LUM: variants seen among roughly 807,000 people sequenced by gnomAD.
LUM encodes the protein KSPG lumican.
In LUM, 13 loss-of-function variants were observed where a neutral mutation model predicts 20.5. The observed-to-expected ratio is 0.63, with a 90% CI of 0.41 to 1.01. The LOEUF (loss-of-function observed/expected upper bound fraction) is 1.01. LUM is among the 50% of genes least tolerant of loss of function. The pLI is 0.00. For synonymous variants in LUM, 173 were observed against 151.5 expected, an observed-to-expected ratio of 1.14 and a Z score of -1.04; for missense variants, 321 against 391.1, an observed-to-expected ratio of 0.82 and a Z score of 1.51.
Position 91,108,105 on chromosome 12 carries a change from G to C in LUM, c.862+13C>G. On this transcript the variant is annotated intron_variant, in intron 2 of 2. Transcript: ENST00000266718. This position sits in a 1 kb window ranked among gnomAD's most constrained non-coding sequence, Gnocchi z 4.2. ...TGAGCACACATCAAACACAGGAACAGCTTTTTACTTACTCTCAAGTTGATT... is the reference window on the plus strand; with the variant it reads ...TGAGCACACATCAAACACAGGAACACCTTTTTACTTACTCTCAAGTTGATT... 1 of 1,613,522 alleles carries C rather than the reference G, an allele frequency of 6.2e-7. No individual in the cohort carries two copies. The highest frequency in any genetic ancestry group is 8.5e-7 in the Non-Finnish European group (1 of 1,179,696).
At chr12:91,106,042 G>A (rs1281373666) in intron 2 of LUM, among the ~76,000 whole-genome samples, 1 of 152,172 alleles carries the variant, frequency 6.6e-6, no homozygotes, top group East Asian at 1.9e-4. Flanking sequence ...AACAAGAGGG[G>A]TTTAGCTGTG....
In LUM at chr12:91,104,236, T is replaced by C; in HGVS notation, c.946A>G (p.Ile316Val). The change falls in exon 3 of 3, where the codon ATC becomes GTC. Residue 316 changes from isoleucine (I) to valine (V), a missense_variant. Physicochemically the swap from Ile to Val is conservative, Grantham distance 29. Coordinates refer to ENST00000266718, the MANE Select transcript of LUM (RefSeq NM_002345.4). ...TCCGGTGGAAGACTGGTTTCTGAGA[T>C]GCGATTGCCATCCAAACGCAAATGC... ...IKHLRLDGNR[I>V]SETSLPPDMY... 4 of 1,613,024 alleles carry C rather than the reference T, an allele frequency of 2.5e-6. No homozygotes were observed. The highest frequency in any genetic ancestry group is 3.4e-6 in the Non-Finnish European group (4 of 1,179,224).
Position 91,108,579 on chromosome 12 carries a change from G to A in LUM, c.401C>T (p.Pro134Leu). 6.2e-7 allele frequency: 1 copy of A among 1,611,182 alleles called. No individual in the cohort carries two copies. Among genetic ancestry groups the A allele is most frequent in the Admixed American group, 1.7e-5 (1 of 59,738 alleles). ...CAGATCCTCCAGAGATTTGGGAAGT[G>A]GGCCCACAGACTCTGTCAGGTTGTT... ...NHNNLTESVG[P>L]LPKSLEDLQL... Residue 134 changes from proline to leucine, a missense_variant, in exon 2 of 3, where the codon CCA (proline) becomes CTA (leucine). Pro to Leu is a moderately conservative substitution (Grantham distance 98). Transcript: ENST00000266718. The surrounding 1 kb of genome is among the most constrained non-coding windows in gnomAD (Gnocchi z 4.2).
At position 91,106,690 on chromosome 12, in the gene LUM, T is replaced by TAAAAAAAAAAAAAAAAAAAA. The variant is rs374164456; in HGVS notation, c.862+1408_862+1427dup. 1.5e-4 allele frequency among the ~76,000 whole-genome samples: 14 copies of TAAAAAAAAAAAAAAAAAAAA among 90,600 alleles called. 1 individual carries two copies. Among genetic ancestry groups the TAAAAAAAAAAAAAAAAAAAA allele is most frequent in the African/African-American group, 5.9e-4 (13 of 21,874 alleles). 59.4% of individuals were successfully genotyped at this position (90,600 alleles called of 152,430 possible). The stretch of plus-strand genomic sequence containing the variant: ...AAGCTCTGTAACACTATTTTTCTTC[T>TAAAAAAAAAAAAAAAAAAAA]AAAAAAAAAAAAAAAAAAAAAGATG... On this transcript the variant is annotated intron_variant, in intron 2 of 2. Coordinates refer to ENST00000266718, the MANE Select transcript of LUM (RefSeq NM_002345.4).
chr12:91,108,982 T>C lies in LUM; in HGVS notation c.-3A>G, dbSNP rs1260082213. Reference sequence around the variant, plus strand: ...AGAGTAAATGCACTTAGACTCATTTTTGGCAAATGGTTTGAATCCTAAATA... The same window carrying C: ...AGAGTAAATGCACTTAGACTCATTTCTGGCAAATGGTTTGAATCCTAAATA... On this transcript the variant is annotated 5_prime_UTR_variant, in exon 2 of 3. Transcript: ENST00000266718. This position sits in a 1 kb window ranked among gnomAD's most constrained non-coding sequence, Gnocchi z 4.2. 5.6e-6 allele frequency: 9 copies of C among 1,611,528 alleles called. No individual in the cohort carries two copies. Among genetic ancestry groups the C allele is most frequent in the Non-Finnish European group, 7.6e-6 (9 of 1,178,508 alleles).
intron 2 of LUM, among the ~76,000 whole-genome samples, chr12:91,105,280 T>C (rs564944146): frequency 2.6e-4 from 40 of 152,288 alleles, no homozygotes; most frequent in African/African-American, 7.5e-4. Context: ...GGAACACTTA[T>C]CTGATCTTGT....
chr12:91,107,334 AAAGAAAGAAAGG>A, intron 2 of LUM, among the ~76,000 whole-genome samples: 1 of 144,112 alleles, frequency 6.9e-6, no homozygotes, highest in South Asian at 2.4e-4. Flanking sequence ...AGAAAGAAAG[AAAGAAAGAAAGG>A]GAAAGAAAGG....
intron 2 of LUM, among the ~76,000 whole-genome samples, chr12:91,104,721 C>A (rs1051378137): frequency 2.0e-5 from 3 of 152,024 alleles, no homozygotes; most frequent in African/African-American, 7.2e-5. Context: ...GGTTTTACAT[C>A]TAAAAATAAG....
intron 2 of LUM, among the ~76,000 whole-genome samples, chr12:91,105,050 A>C (rs1880000723): frequency 6.6e-6 from 1 of 152,182 alleles, no homozygotes; most frequent in African/African-American, 2.4e-5. Flanking sequence ...TTTTAGATTA[A>C]CATTTTCAAG....
rs530958344 is a variant in LUM, at chr12:91,109,754, G to A, written c.-21-754C>T. Among the ~76,000 whole-genome samples the A allele has an allele frequency of 2.3e-4, 35 of 152,188 alleles. No homozygotes were observed. In the South Asian group the frequency reaches 7.1e-3, roughly 31 times the overall value. ...CACATTCTGAAGGTTTCTCTTTCTG[G>A]AAAGAGATTCAACAGGTAGAGAAAG... On this transcript the variant is annotated intron_variant, in intron 1 of 2. Transcript: ENST00000266718.
chr12:91,104,803 A>G (rs1332382400), intron 2 of LUM, among the ~76,000 whole-genome samples: 2 of 152,180 alleles, frequency 1.3e-5, no homozygotes, highest in Admixed American at 1.3e-4. Context: ...AAATTCCAAG[A>G]CAAAAACCAA....
At chr12:91,107,333 GAAA>G (rs1565758555) in intron 2 of LUM, among the ~76,000 whole-genome samples, 11 of 127,768 alleles carry the variant, frequency 8.6e-5, no homozygotes, top group African/African-American at 2.8e-4. Context: ...AAGAAAGAAA[GAAA>G]GAAAGAAAGG....
chr12:91,107,275 GAAA>G (rs1880082455), intron 2 of LUM, among the ~76,000 whole-genome samples: 4 of 78,952 alleles, frequency 5.1e-5, no homozygotes, highest in African/African-American at 2.0e-4. Flanking sequence ...AAGAAAGAAA[GAAA>G]GAAAGAAAGA....
At chr12:91,107,424 G>T (rs545704843) in intron 2 of LUM, among the ~76,000 whole-genome samples, 1 of 151,946 alleles carries the variant, frequency 6.6e-6, no homozygotes, top group Non-Finnish European at 1.5e-5. Context: ...TGTGGCTATG[G>T]AGTTTGCCAA....
intron 2 of LUM, among the ~76,000 whole-genome samples, chr12:91,105,380 C>T (rs1880007998): frequency 6.6e-6 from 1 of 152,072 alleles, no homozygotes; most frequent in Admixed American, 6.6e-5. Flanking sequence ...ATAGTATGTC[C>T]TAAATAATGA....
At chr12:91,107,307 A>AG (rs1565758496) in intron 2 of LUM, among the ~76,000 whole-genome samples, 8 of 138,608 alleles carry the variant, frequency 5.8e-5, no homozygotes, top group South Asian at 2.4e-4. Context: ...GAAAGAAAGA[A>AG]AGAAAGAAAG....
chr12:91,108,648 A>C lies in LUM; in HGVS notation c.332T>G (p.Val111Gly). The change falls in exon 2 of 3, where the codon GTT becomes GGT. Residue 111 changes from valine to glycine, a missense_variant. Val to Gly is a moderately radical substitution (Grantham distance 109, BLOSUM62 -3). Transcript: ENST00000266718. The surrounding 1 kb of genome is among the most constrained non-coding windows in gnomAD (Gnocchi z 4.2). ...LLENSKIKGRVFSKLKQLKKL... is the reference protein window; with the variant it reads ...LLENSKIKGRGFSKLKQLKKL... ...CTTCAGTTGTTTCAATTTAGAGAAA[A>C]CTCTCCCTTTTATCTTGGAGTTTTC... The C allele has an allele frequency of 6.2e-7, 1 of 1,611,930 alleles. No individual in the cohort carries two copies. Among genetic ancestry groups the C allele is most frequent in the Non-Finnish European group, 8.5e-7 (1 of 1,179,410 alleles).
chr12:91,110,523 A>T (rs1880180822), intron 1 of LUM, among the ~76,000 whole-genome samples: 1 of 152,242 alleles, frequency 6.6e-6, no homozygotes, highest in African/African-American at 2.4e-5. Flanking sequence ...AGCACTAAAA[A>T]GAACGTGATG....
intron 2 of LUM, among the ~76,000 whole-genome samples, chr12:91,107,368 A>G (rs1433736589): frequency 1.3e-5 from 2 of 151,504 alleles, no homozygotes; most frequent in Admixed American, 1.3e-4. Context: ...AGGAAGAAAG[A>G]AAAAGAGAGA....
Sources: gnomAD v4.1 joint callset for allele counts (sites outside exome capture counted in the v4.1 genomes callset) on GRCh38, gnomAD v4.1.1 for gene constraint, Gnocchi (gnomAD v3.1) non-coding constraint, MANE v1.5 for transcripts, NCBI Gene and HGNC (gene_info 2026-07-23, HGNC 2026-07-21) for gene names.